PRKG1: variants seen among roughly 807,000 people sequenced by gnomAD.
PRKG1 encodes cGMP-dependent protein kinase 1.
Under a neutral mutation model 88.1 loss-of-function variants are expected in PRKG1, and 35 were observed. The ratio of observed to expected loss-of-function variants is 0.40; its 90% confidence interval spans 0.30 to 0.53. The LOEUF is 0.53. Ranked by LOEUF, PRKG1 falls within the 20% of genes least tolerant of loss-of-function variation. PRKG1 has a pLI of 0.59. For synonymous variants in PRKG1, 303 were observed against 292.5 expected (o/e 1.04, Z -0.37); for missense variants, 540 against 839.8 (o/e 0.64, Z 4.41).
intron 1 of PRKG1, among the ~76,000 whole-genome samples, chr10:51,031,888 AC>A (rs1299735192): frequency 1.3e-5 from 2 of 152,184 alleles, no homozygotes; most frequent in Non-Finnish European, 1.5e-5. Flanking sequence ...TAAGAAATGA[AC>A]CTGTGATTTT....
At chr10:51,447,770 G>A (rs1839318407) in intron 2 of PRKG1, among the ~76,000 whole-genome samples, 1 of 151,876 alleles carries the variant, frequency 6.6e-6, no homozygotes, top group Non-Finnish European at 1.5e-5. Flanking sequence ...AACTAACCCA[G>A]TTCCTTCCTA....
chr10:52,009,744 G>C (rs1159834249), intron 5 of PRKG1, among the ~76,000 whole-genome samples: 1 of 152,106 alleles, frequency 6.6e-6, no homozygotes, highest in Non-Finnish European at 1.5e-5. Context: ...GAACAAATCT[G>C]GAGGCATAAC....
At chr10:52,081,718 G>A in intron 7 of PRKG1, 2 of 456,272 alleles carry the variant, frequency 4.4e-6, no homozygotes, top group East Asian at 6.9e-5. Flanking sequence ...AAATGGAGCA[G>A]GGTAAGGGTG....
intron 17 of PRKG1, among the ~76,000 whole-genome samples, chr10:52,293,441 C>G (rs1183933979): frequency 6.6e-6 from 1 of 152,050 alleles, no homozygotes; most frequent in Non-Finnish European, 1.5e-5. Context: ...CAAAAAAGAG[C>G]CTGCATCGCC....
At chr10:51,166,084 C>A (rs1846531209) in intron 2 of PRKG1, among the ~76,000 whole-genome samples, 1 of 151,248 alleles carries the variant, frequency 6.6e-6, no homozygotes. Flanking sequence ...TTTTACATTA[C>A]TTTTCTATTA....
intron 3 of PRKG1, among the ~76,000 whole-genome samples, chr10:51,768,684 T>TAATG (rs1191358014): frequency 7.9e-5 from 12 of 152,146 alleles, no homozygotes; most frequent in Non-Finnish European, 8.8e-5. Context: ...CAGGAAGGTA[T>TAATG]AATGTATTTA....
At chr10:51,667,531 T>A (rs1326151447) in intron 3 of PRKG1, among the ~76,000 whole-genome samples, 1 of 152,018 alleles carries the variant, frequency 6.6e-6, no homozygotes, top group Non-Finnish European at 1.5e-5. Context: ...GAGGAAAAAA[T>A]AAGAGGTGAC....
chr10:51,430,745 C>A (rs114754407), intron 2 of PRKG1, among the ~76,000 whole-genome samples: 3,224 of 152,190 alleles, frequency 0.021, 107 homozygotes, highest in African/African-American at 0.073. Flanking sequence ...TATGTCCATA[C>A]AATGGAGTGC....
Position 51,025,184 on chromosome 10 carries a change from G to T in PRKG1, c.266+33540G>T, listed in dbSNP as rs193141347. Among the ~76,000 whole-genome samples the T allele has an allele frequency of 2.6e-5, 4 of 152,220 alleles. No homozygotes were observed. In the East Asian group the frequency reaches 7.7e-4, roughly 29 times the overall value. On this transcript the variant is annotated intron_variant, in intron 1 of 17. Transcript: ENST00000401604. ...CCAGTCTTGATCAATCACAATAACA[G>T]CCTCATTTTAATCCATTACAATTTC...
At chr10:51,013,194 T>A (rs1843014488) in intron 1 of PRKG1, among the ~76,000 whole-genome samples, 1 of 152,134 alleles carries the variant, frequency 6.6e-6, no homozygotes, top group Non-Finnish European at 1.5e-5. Context: ...TGCAAAATGG[T>A]TTATGAAAAA....
At chr10:51,483,275 C>A (rs966167873) in intron 3 of PRKG1, among the ~76,000 whole-genome samples, 1 of 152,150 alleles carries the variant, frequency 6.6e-6, no homozygotes, top group Non-Finnish European at 1.5e-5. Flanking sequence ...CATGCCTCGG[C>A]CTCCCAAAGT....
chr10:51,016,581 A>G (rs372273476), intron 1 of PRKG1, among the ~76,000 whole-genome samples: 179 of 150,978 alleles, frequency 1.2e-3, no homozygotes, highest in African/African-American at 4.2e-3. Flanking sequence ...CATTTCCTCT[A>G]TATAAGGCAT....
intron 9 of PRKG1, among the ~76,000 whole-genome samples, chr10:52,223,547 A>C (rs1840305856): frequency 6.6e-6 from 1 of 152,008 alleles, no homozygotes; most frequent in Non-Finnish European, 1.5e-5. Flanking sequence ...TTCTCTATCT[A>C]TCCTTTCATC....
chr10:51,618,531 T>C (rs1213906475), intron 3 of PRKG1, among the ~76,000 whole-genome samples: 1 of 152,154 alleles, frequency 6.6e-6, no homozygotes, highest in Non-Finnish European at 1.5e-5. Flanking sequence ...CTATTCTAAG[T>C]ATTTTGCATA....
intron 8 of PRKG1, among the ~76,000 whole-genome samples, chr10:52,143,736 T>G (rs1243879640): frequency 6.6e-6 from 1 of 152,168 alleles, no homozygotes; most frequent in Non-Finnish European, 1.5e-5. Context: ...CCTTTTGTCC[T>G]TGAAGTATCT....
chr10:51,107,810 CAAAAAAAAAAAA>C (rs150587434), intron 1 of PRKG1, among the ~76,000 whole-genome samples: 15 of 63,318 alleles, frequency 2.4e-4, no homozygotes, highest in African/African-American at 7.7e-4. Flanking sequence ...AACCCTGTCT[CAAAAAAAAAAAA>C]AAAAAAAAAA....
chr10:52,118,980 T>C (rs1270467322), intron 7 of PRKG1, among the ~76,000 whole-genome samples: 2 of 152,178 alleles, frequency 1.3e-5, no homozygotes, highest in Admixed American at 6.5e-5. Flanking sequence ...TTTATACACA[T>C]TTATTACATT....
chr10:51,213,481 G>A (rs557095401), intron 2 of PRKG1, among the ~76,000 whole-genome samples: 48 of 152,134 alleles, frequency 3.2e-4, no homozygotes, highest in African/African-American at 1.0e-3. Context: ...AAAAAAATGA[G>A]TAGTTATATA....
At chr10:52,287,735 C>A (rs1842153045) in intron 14 of PRKG1, among the ~76,000 whole-genome samples, 2 of 151,014 alleles carry the variant, frequency 1.3e-5, no homozygotes. Context: ...ACAGATCTGG[C>A]TCATGAGGGC....
Sources: allele counts gnomAD v4.1 joint callset (sites outside exome capture counted in the v4.1 genomes callset), GRCh38; gene constraint gnomAD v4.1.1; transcripts MANE v1.5; gene names NCBI Gene and HGNC (gene_info 2026-07-23, HGNC 2026-07-21).